CWC27: variants seen among roughly 807,000 people sequenced by gnomAD.
The protein encoded by CWC27 is CWC27 spliceosome associated cyclophilin.
A neutral mutation model predicts 63.6 loss-of-function variants in CWC27; 47 were observed. That is an observed-to-expected ratio of 0.74 (90% CI 0.58 to 0.94). CWC27 has a LOEUF of 0.94. CWC27 is among the 40% of genes least tolerant of loss of function. CWC27 has a pLI of 0.00. For synonymous variants in CWC27, 175 were observed against 179.8 expected (o/e 0.97, Z 0.22); for missense variants, 495 against 554.3 (o/e 0.89, Z 1.07).
chr5:64,774,182 G>T (rs939652485), intron 1 of CWC27, among the ~76,000 whole-genome samples: 1 of 152,042 alleles, frequency 6.6e-6, no homozygotes, highest in Non-Finnish European at 1.5e-5. Context: ...TTGAGACAGG[G>T]TCTTGCTCTG....
In CWC27 at chr5:64,769,042, GCAC is replaced by G. The variant is rs1474830601; in HGVS notation, c.-101_-99del. 1.1e-6 allele frequency: 1 copy of G among 922,974 alleles called. No individual in the cohort carries two copies. Among genetic ancestry groups the G allele is most frequent in the East Asian group, 2.4e-5 (1 of 41,166 alleles). The allele number at this position is 922,974 out of a possible 1,614,324, so 57.2% of individuals were successfully genotyped here. A position where few individuals can be genotyped will look rare whatever the true frequency, so the allele number is the denominator to read the frequency against. Reference sequence around the variant, plus strand: ...GATATTGACAAACTGAAGCTTTCCTGCACCACTGGACTTAAGGAAGAGTGTACT... The same window carrying G: ...GATATTGACAAACTGAAGCTTTCCTGCACTGGACTTAAGGAAGAGTGTACT... On this transcript the variant is annotated 5_prime_UTR_variant, in exon 1 of 14. Coordinates refer to ENST00000381070, the MANE Select transcript of CWC27 (RefSeq NM_005869.4).
At chr5:64,776,674 G>T (rs1743468100) in intron 2 of CWC27, among the ~76,000 whole-genome samples, 1 of 152,032 alleles carries the variant, frequency 6.6e-6, no homozygotes, top group African/African-American at 2.4e-5. Context: ...TTAAGTCAAG[G>T]TTTCAAAAAT....
chr5:64,780,840 T>G (rs1184283984), intron 2 of CWC27, among the ~76,000 whole-genome samples: 2 of 152,014 alleles, frequency 1.3e-5, no homozygotes, highest in Admixed American at 6.6e-5. Flanking sequence ...ACTTATTCTT[T>G]TAAGGTTTTT....
At chr5:64,919,046 C>T (rs1200543657) in intron 11 of CWC27, among the ~76,000 whole-genome samples, 1 of 152,154 alleles carries the variant, frequency 6.6e-6, no homozygotes, top group East Asian at 1.9e-4. Flanking sequence ...TGGAGAAATG[C>T]AGGGCATAAA....
intron 13 of CWC27, among the ~76,000 whole-genome samples, chr5:65,016,473 A>C (rs1299775207): frequency 4.0e-5 from 6 of 151,454 alleles, no homozygotes; most frequent in Non-Finnish European, 8.8e-5. Context: ...TCATCTCAAA[A>C]ATAATAATAA....
chr5:64,971,664 T>C, intron 11 of CWC27, 39 bp from the exon 12 acceptor site: 1 of 1,483,930 alleles, frequency 6.7e-7, no homozygotes, highest in Non-Finnish European at 9.1e-7. Context: ...CACAGAGCTA[T>C]TTTACTGCTT....
At chr5:64,933,334 G>A (rs147810244) in intron 11 of CWC27, among the ~76,000 whole-genome samples, 1 of 152,282 alleles carries the variant, frequency 6.6e-6, no homozygotes, top group East Asian at 1.9e-4. Flanking sequence ...AGAAGAGATA[G>A]TTACTTTTAG....
intron 11 of CWC27, among the ~76,000 whole-genome samples, chr5:64,917,935 T>TAC (rs766358959): frequency 5.8e-4 from 88 of 150,846 alleles, no homozygotes; most frequent in Middle Eastern, 3.4e-3. Flanking sequence ...GAGAGATACA[T>TAC]ACACACACAC....
rs774364333 is a variant in CWC27, at chr5:64,868,963, GA to G, written c.939-16478del. On this transcript the variant is annotated intron_variant, in intron 10 of 13. Transcript: ENST00000381070. ...CACTTGTAAAAATAACATCCCTTTA[GA>G]ATTTGATGTGAGGATTCAATGAGAA... 2.3e-3 allele frequency among the ~76,000 whole-genome samples: 354 copies of G among 151,992 alleles called. 5 individuals are homozygous for G. Among genetic ancestry groups the G allele is most frequent in the Non-Finnish European group, 1.1e-3 (72 of 67,954 alleles).
At chr5:64,909,247 ATTTCAGTGGAAACCTCTGCTGAGAGG>A (rs1343578305) in intron 11 of CWC27, among the ~76,000 whole-genome samples, 36 of 152,160 alleles carry the variant, frequency 2.4e-4, no homozygotes, top group Non-Finnish European at 4.4e-4. Flanking sequence ...CTGCTGAGAG[ATTTCAGTGGAAACCTCTGCTGAGAGG>A]TTTCAGTGGA....
At chr5:64,908,272 T>G (rs1055269310) in intron 11 of CWC27, among the ~76,000 whole-genome samples, 1 of 152,228 alleles carries the variant, frequency 6.6e-6, no homozygotes, top group Non-Finnish European at 1.5e-5. Context: ...ATTTCTGTTC[T>G]TTTACATTTG....
chr5:64,974,816 C>T (rs1434457868), intron 12 of CWC27, among the ~76,000 whole-genome samples: 1 of 152,110 alleles, frequency 6.6e-6, no homozygotes, highest in Non-Finnish European at 1.5e-5. Flanking sequence ...AGTTATTTTA[C>T]TTCTATTTTT....
chr5:64,864,930 T>C (rs1293341060), intron 10 of CWC27, among the ~76,000 whole-genome samples: 3 of 152,142 alleles, frequency 2.0e-5, no homozygotes, highest in East Asian at 3.8e-4. Context: ...TTTTGACATA[T>C]ACAATGCATT....
intron 2 of CWC27, among the ~76,000 whole-genome samples, chr5:64,776,108 AGAGAGAGAG>A (rs1743440561): frequency 1.6e-5 from 2 of 121,674 alleles, no homozygotes; most frequent in Admixed American, 1.7e-4. Flanking sequence ...AGAGAGAGAG[AGAGAGAGAG>A]AGAGAATGAA....
chr5:64,842,601 C>G (rs1319403416), intron 10 of CWC27, among the ~76,000 whole-genome samples: 1 of 146,044 alleles, frequency 6.8e-6, no homozygotes, highest in African/African-American at 2.5e-5. Context: ...TGCTCCCAGC[C>G]TATTTTTTTT....
chr5:64,947,735 T>C lies in CWC27; in HGVS notation c.1043-23968T>C, dbSNP rs1748616746. Among the ~76,000 whole-genome samples, 3 of 152,094 alleles carry C rather than the reference T, an allele frequency of 2.0e-5. No homozygotes were observed. The South Asian group carries it at 6.2e-4, about 31-fold the overall frequency. ...AAGTATCAGACAGAAATATTTCCTA[T>C]GGGCCTCCCCTCTTTGTAGAAAGAA... On this transcript the variant is annotated intron_variant, in intron 11 of 13. Transcript: ENST00000381070.
intron 13 of CWC27, among the ~76,000 whole-genome samples, chr5:64,982,484 G>A (rs549970255): frequency 8.6e-5 from 13 of 151,584 alleles, no homozygotes; most frequent in South Asian, 6.3e-4. Flanking sequence ...CACCATACTC[G>A]GCTAATTTTT....
At chr5:64,904,349 T>G (rs1185860321) in intron 11 of CWC27, among the ~76,000 whole-genome samples, 1 of 152,224 alleles carries the variant, frequency 6.6e-6, no homozygotes, top group Non-Finnish European at 1.5e-5. Flanking sequence ...CGGAACAACT[T>G]AGCTGAGAAG....
chr5:64,938,183 C>T (rs6893974), intron 11 of CWC27, among the ~76,000 whole-genome samples: 2,106 of 152,182 alleles, frequency 0.014, 28 homozygotes, highest in African/African-American at 0.038. Context: ...TTAGTTGATG[C>T]GGTATCTTCA....
Sources: allele counts gnomAD v4.1 joint callset (sites outside exome capture counted in the v4.1 genomes callset), GRCh38; gene constraint gnomAD v4.1.1; transcripts MANE v1.5; gene names NCBI Gene and HGNC (gene_info 2026-07-23, HGNC 2026-07-21).